The following CYP26B1 variants were observed in gnomAD, a reference collection of about 807,000 sequenced individuals.
CYP26B1 encodes the protein cytochrome P450 26B1.
In CYP26B1, 8 loss-of-function variants were observed where a neutral mutation model predicts 39.1. The observed-to-expected ratio is 0.20, with a 90% CI of 0.12 to 0.37. The LOEUF (loss-of-function observed/expected upper bound fraction) is 0.37, where lower values mean the gene tolerates loss of function less well. Ranked by LOEUF, CYP26B1 falls within the 10% of genes least tolerant of loss-of-function variation. CYP26B1 has a pLI of 1.00. For synonymous variants in CYP26B1, 321 were observed against 314.3 expected, an observed-to-expected ratio of 1.02 and a Z score of -0.23; for missense variants, 615 against 707.0, an observed-to-expected ratio of 0.87 and a Z score of 1.48.
At chr2:72,146,695 G>T (rs750516771) in intron 1 of CYP26B1, among the ~76,000 whole-genome samples, 1 of 152,152 alleles carries the variant, frequency 6.6e-6, no homozygotes, top group Admixed American at 6.5e-5. Context: ...ACAAACGCGC[G>T]TACACACAAA....
intron 1 of CYP26B1, among the ~76,000 whole-genome samples, chr2:72,145,545 A>G (rs1677098899): frequency 6.6e-6 from 1 of 152,222 alleles, no homozygotes; most frequent in South Asian, 2.1e-4. Flanking sequence ...GTGCGACAGA[A>G]GGGGTGGTGA....
rs531445698 is a variant in CYP26B1, at chr2:72,144,900, C to T, written c.205-687G>A. On this transcript the variant is annotated intron_variant, in intron 1 of 5. Transcript: ENST00000001146. ...GGGCAGGGCGACCCGCGCAGGTAACCAGATCCCCGGTGGTGGCGGCGCAAG... is the reference window on the plus strand; with the variant it reads ...GGGCAGGGCGACCCGCGCAGGTAACTAGATCCCCGGTGGTGGCGGCGCAAG... 7.5e-3 allele frequency among the ~76,000 whole-genome samples: 1,141 copies of T among 152,282 alleles called. 9 individuals are homozygous for T. Among genetic ancestry groups the T allele is most frequent in the Non-Finnish European group, 0.012 (837 of 68,004 alleles).
At chr2:72,138,627 G>A (rs1181241095) in intron 2 of CYP26B1, among the ~76,000 whole-genome samples, 1 of 152,204 alleles carries the variant, frequency 6.6e-6, no homozygotes, top group Non-Finnish European at 1.5e-5. Context: ...GCCCTGCAGA[G>A]GGAGTGGCAG....
intron 2 of CYP26B1, among the ~76,000 whole-genome samples, chr2:72,138,306 C>T (rs976190932): frequency 1.3e-5 from 2 of 152,188 alleles, no homozygotes; most frequent in Non-Finnish European, 2.9e-5. Context: ...TCTGAAACCA[C>T]CGCCCACCAC....
chr2:72,133,724 G>A (rs902178862), intron 4 of CYP26B1, among the ~76,000 whole-genome samples: 9 of 152,184 alleles, frequency 5.9e-5, no homozygotes, highest in East Asian at 3.9e-4. Flanking sequence ...GTCTAAACCC[G>A]GGCCTTCCCA....
At chr2:72,140,602 A>T (rs1242269116) in intron 2 of CYP26B1, among the ~76,000 whole-genome samples, 1 of 152,128 alleles carries the variant, frequency 6.6e-6, no homozygotes, top group Non-Finnish European at 1.5e-5. Context: ...CCTAGAGCCA[A>T]GTGTGGGCTA....
Position 72,132,541 on chromosome 2 carries a change from C to T in CYP26B1, c.1225G>A (p.Val409Met), listed in dbSNP as rs370211150. Residue 409 changes from valine to methionine, a missense_variant, in exon 6 of 6, where the codon GTG becomes ATG. By Grantham distance (21) the Val-to-Met change is conservative. Transcript: ENST00000001146. The stretch of plus-strand genomic sequence containing the variant: ...AAGCGATCGGGGTCGAACACGTTCA[C>T]GTCTTTGAACACGGGCGCTGTGTCA... ...THDTAPVFKD[V>M]NVFDPDRFSQ... 23 of 1,608,884 alleles carry T rather than the reference C, an allele frequency of 1.4e-5. No homozygotes were observed. The highest frequency in any genetic ancestry group is 1.1e-4 in the African/African-American group (8 of 74,882).
rs191375926 is a variant in CYP26B1, at chr2:72,133,322, G to A, written c.862-15C>T. On this transcript the variant is annotated splice_polypyrimidine_tract_variant and intron_variant, in intron 4 of 5. Transcript: ENST00000001146. ...AGGGTCCCGTCCTGCAGGGCACAGA[G>A]GAGAGGTGTTGTTGGAGGTGTGGGT... 5.0e-6 allele frequency: 8 copies of A among 1,598,034 alleles called. No individual in the cohort carries two copies. In the East Asian group the frequency reaches 1.3e-4, roughly 27 times the overall value.
At chr2:72,134,562 T>A (rs1243211223) in intron 4 of CYP26B1, among the ~76,000 whole-genome samples, 199 bp downstream of exon 4, 1 of 151,154 alleles carries the variant, frequency 6.6e-6, no homozygotes, top group Admixed American at 6.6e-5. Flanking sequence ...GAAGGGAGGG[T>A]GCCCCACGGC....
At chr2:72,139,602 C>T (rs1239213362) in intron 2 of CYP26B1, among the ~76,000 whole-genome samples, 2 of 152,232 alleles carry the variant, frequency 1.3e-5, no homozygotes, top group African/African-American at 4.8e-5. Flanking sequence ...AACTCTTCCA[C>T]ACATACCTAC....
At chr2:72,143,374 G>T (rs1002665026) in intron 2 of CYP26B1, among the ~76,000 whole-genome samples, 6 of 152,106 alleles carry the variant, frequency 3.9e-5, no homozygotes, top group East Asian at 3.9e-4. Flanking sequence ...CCTCTTTCGG[G>T]GGGGGGTGGG....
chr2:72,132,467 C>T lies in CYP26B1; in HGVS notation c.1299G>A (p.Pro433=), dbSNP rs549700529. ...EDKDGRFHYL[P]FGGGVRTCLG... ...GGCAGGTCCGGACACCGCCACCGAA[C>T]GGGAGGTAATGGAAGCGGCCATCCT... Residue 433 remains proline, a synonymous_variant, in exon 6 of 6, where the codon CCG becomes CCA. Transcript: ENST00000001146. 2.0e-5 allele frequency: 32 copies of T among 1,613,280 alleles called. No homozygotes were observed. The highest frequency in any genetic ancestry group is 1.1e-4 in the East Asian group (5 of 44,852).
chr2:72,135,540 G>A, intron 2 of CYP26B1, 121 bp from the exon 3 acceptor site: 1 of 1,428,162 alleles, frequency 7.0e-7, no homozygotes, highest in Middle Eastern at 2.4e-4. Flanking sequence ...CAACAGCAAA[G>A]CCTTGGGAGC....
rs1558973819 is a variant in CYP26B1 at position 72,147,565 on chromosome 2, C to T, written c.204+66G>A. 6.7e-7 allele frequency: 1 copy of T among 1,483,552 alleles called. No individual in the cohort carries two copies. Among genetic ancestry groups the T allele is most frequent in the Non-Finnish European group, 9.0e-7 (1 of 1,112,722 alleles). The allele number at this position is 1,483,552 out of a possible 1,614,324, so 91.9% of individuals were successfully genotyped here. Reference sequence around the variant, plus strand: ...TCCCGGCGCCCCCTGGCCGGCCCGCCGCTCCGTCTGCCCCGCGCTCGCAGC... The same window carrying T: ...TCCCGGCGCCCCCTGGCCGGCCCGCTGCTCCGTCTGCCCCGCGCTCGCAGC... On this transcript the variant is annotated intron_variant, in intron 1 of 5. Transcript: ENST00000001146. This position sits in a 1 kb window ranked among gnomAD's most constrained non-coding sequence, Gnocchi z 6.1.
chr2:72,135,503 T>G, intron 2 of CYP26B1, 84 bp from the exon 3 acceptor site: 1 of 1,570,744 alleles, frequency 6.4e-7, no homozygotes, highest in Non-Finnish European at 8.6e-7. Flanking sequence ...ACAATGAATG[T>G]GACTGGAGAG....
intron 1 of CYP26B1, among the ~76,000 whole-genome samples, chr2:72,146,518 G>A (rs1453219609): frequency 6.6e-6 from 1 of 152,230 alleles, no homozygotes; most frequent in Admixed American, 6.5e-5. Flanking sequence ...ACTCGTCCCG[G>A]GGCAGGGTGA....
intron 2 of CYP26B1, among the ~76,000 whole-genome samples, chr2:72,137,133 C>T (rs936561571): frequency 6.6e-6 from 1 of 152,168 alleles, no homozygotes; most frequent in Non-Finnish European, 1.5e-5. Flanking sequence ...AGGGTAGGGG[C>T]TGGCCAGGGC....
At chr2:72,136,999 C>T (rs1041556519) in intron 2 of CYP26B1, among the ~76,000 whole-genome samples, 8 of 152,194 alleles carry the variant, frequency 5.3e-5, no homozygotes, top group African/African-American at 1.7e-4. Flanking sequence ...AATCACTCTG[C>T]GGCTACCAGG....
chr2:72,141,249 A>T (rs1676933968), intron 2 of CYP26B1, among the ~76,000 whole-genome samples: 1 of 152,072 alleles, frequency 6.6e-6, no homozygotes, highest in East Asian at 1.9e-4. Flanking sequence ...GGAGGGAGGG[A>T]GTCTGAGGCC....
Sources: gnomAD v4.1 joint callset for allele counts (sites outside exome capture counted in the v4.1 genomes callset) on GRCh38, gnomAD v4.1.1 for gene constraint, Gnocchi (gnomAD v3.1) non-coding constraint, MANE v1.5 for transcripts, NCBI Gene and HGNC (gene_info 2026-07-23, HGNC 2026-07-21) for gene names.